Variants in CCDC7 observed in about 807,000 individuals in gnomAD.
The protein encoded by CCDC7 is coiled-coil domain-containing protein 7.
CCDC7 carries 183 observed loss-of-function variants against 196.9 expected under a neutral mutation model. That is an observed-to-expected ratio of 0.93 (90% CI 0.82 to 1.05). CCDC7 has a LOEUF of 1.05. CCDC7 is among the 50% of genes least tolerant of loss of function. The probability of loss-of-function intolerance (pLI) is 0.00; values close to 1 mark genes in which losing one functional copy is unlikely to be tolerated. For synonymous variants in CCDC7, 525 were observed against 484.6 expected (o/e 1.08, Z -1.10); for missense variants, 1,540 against 1,482.2 (o/e 1.04, Z -0.64).
chr10:32,560,864 G>A (rs1251544636), intron 13 of CCDC7, among the ~76,000 whole-genome samples: 1 of 152,048 alleles, frequency 6.6e-6, no homozygotes. Context: ...CCAATTAAAA[G>A]ACACAGACTG....
intron 13 of CCDC7, among the ~76,000 whole-genome samples, chr10:32,562,573 C>T (rs537029254): frequency 2.6e-5 from 4 of 152,274 alleles, no homozygotes; most frequent in African/African-American, 9.6e-5. Context: ...TCAATAGATG[C>T]AGGAAAGGCC....
intron 3 of CCDC7, among the ~76,000 whole-genome samples, chr10:32,459,712 C>T (rs975684281): frequency 5.6e-5 from 5 of 89,742 alleles, no homozygotes; most frequent in South Asian, 3.5e-4. Flanking sequence ...AGTTTTTTTC[C>T]TTGATACAAA....
chr10:32,585,136 T>C (rs989144969), intron 18 of CCDC7, among the ~76,000 whole-genome samples: 1 of 151,936 alleles, frequency 6.6e-6, no homozygotes, highest in African/African-American at 2.4e-5. Context: ...TGCAGTGGCA[T>C]GATCTCGGCT....
intron 18 of CCDC7, 26 bp from the exon 20 acceptor site, chr10:32,634,228 T>C (rs1339008375): frequency 8.8e-6 from 9 of 1,017,514 alleles, no homozygotes; most frequent in Middle Eastern, 3.6e-4. Flanking sequence ...CTCTATTTGG[T>C]AGACTAAATG....
intron 28 of CCDC7, among the ~76,000 whole-genome samples, chr10:32,769,849 A>G (rs2078906192): frequency 6.6e-6 from 1 of 152,148 alleles, no homozygotes. Context: ...CATGGTGTAT[A>G]TGTGCCACAT....
exon 6 of CCDC7, chr10:32,471,120 C>G: frequency 1.2e-6 from 2 of 1,612,088 alleles, no homozygotes; most frequent in Non-Finnish European, 1.7e-6. Context: ...ACAAAACAGT[C>G]ATTTTAAATA....
intron 28 of CCDC7, among the ~76,000 whole-genome samples, chr10:32,764,797 T>C (rs563711877): frequency 6.6e-6 from 1 of 152,084 alleles, no homozygotes; most frequent in African/African-American, 2.4e-5. Flanking sequence ...ATGTTGCTGC[T>C]ACTGAAATGG....
intron 41 of CCDC7, among the ~76,000 whole-genome samples, chr10:32,873,157 T>C (rs983924725): frequency 2.0e-5 from 3 of 152,110 alleles, no homozygotes; most frequent in Admixed American, 1.3e-4. Context: ...CCATTCTCCC[T>C]GTCACTTTCA....
intron 21 of CCDC7, among the ~76,000 whole-genome samples, chr10:32,671,832 C>T (rs895632068): frequency 6.6e-6 from 1 of 152,088 alleles, no homozygotes; most frequent in African/African-American, 2.4e-5. Flanking sequence ...TTGTGTAGCT[C>T]TGGGAACTGA....
At chr10:32,674,123 T>A (rs1008063455) in intron 21 of CCDC7, among the ~76,000 whole-genome samples, 5 of 151,258 alleles carry the variant, frequency 3.3e-5, no homozygotes, top group South Asian at 2.1e-4. Flanking sequence ...TCTAATTTTG[T>A]TTTTTTTTCT....
At chr10:32,851,246 C>T (rs2093554741) in intron 39 of CCDC7, among the ~76,000 whole-genome samples, 1 of 151,970 alleles carries the variant, frequency 6.6e-6, no homozygotes, top group Admixed American at 6.6e-5. Flanking sequence ...TTGCCGCATC[C>T]CATTAAGTTT....
intron 18 of CCDC7, among the ~76,000 whole-genome samples, chr10:32,614,935 C>T (rs2062611586): frequency 6.6e-6 from 1 of 152,130 alleles, no homozygotes; most frequent in Admixed American, 6.5e-5. Flanking sequence ...AGTATAATGG[C>T]CTCCAGTATC....
chr10:32,719,789 T>G (rs931586536), intron 25 of CCDC7, among the ~76,000 whole-genome samples: 1 of 152,106 alleles, frequency 6.6e-6, no homozygotes, highest in Non-Finnish European at 1.5e-5. Context: ...CACTGGTCAT[T>G]AGAGAAATGC....
At chr10:32,573,179 G>A (rs2057785572) in intron 16 of CCDC7, among the ~76,000 whole-genome samples, 1 of 152,100 alleles carries the variant, frequency 6.6e-6, no homozygotes, top group Admixed American at 6.5e-5. Context: ...TGCCCAGCTG[G>A]TGCTCTTATA....
intron 28 of CCDC7, among the ~76,000 whole-genome samples, chr10:32,730,791 G>T (rs1355427003): frequency 6.6e-6 from 1 of 151,844 alleles, no homozygotes; most frequent in East Asian, 1.9e-4. Context: ...AAAAGATGAG[G>T]TATTAGATGA....
intron 5 of CCDC7, 139 bp from the exon 7 acceptor site, chr10:32,470,925 G>T (rs1224582584): frequency 5.4e-6 from 4 of 737,268 alleles, no homozygotes; most frequent in Non-Finnish European, 8.0e-6. Context: ...GTAAAATATT[G>T]TATCATTACT....
intron 20 of CCDC7, among the ~76,000 whole-genome samples, chr10:32,646,008 A>AT (rs1250654161): frequency 6.7e-6 from 1 of 149,232 alleles, no homozygotes; most frequent in Non-Finnish European, 1.5e-5. Flanking sequence ...CATCTTTTAT[A>AT]TTTTTTAATC....
chr10:32,518,265 CAATTA>C, intron 10 of CCDC7, 146 bp from the exon 12 acceptor site: 1 of 719,664 alleles, frequency 1.4e-6, no homozygotes, highest in Non-Finnish European at 1.9e-6. Flanking sequence ...CTTTCAGCTC[CAATTA>C]TTGTGTCACT....
exon 16 of CCDC7, chr10:32,571,877 A>C: frequency 1.3e-6 from 2 of 1,574,990 alleles, no homozygotes; most frequent in South Asian, 2.4e-5. Flanking sequence ...CCAAAGCGGA[A>C]GACTGATTGA....
Sources: gnomAD v4.1 joint callset for allele counts (sites outside exome capture counted in the v4.1 genomes callset) on GRCh38, gnomAD v4.1.1 for gene constraint, MANE v1.5 for transcripts, NCBI Gene and HGNC (gene_info 2026-07-23, HGNC 2026-07-21) for gene names.